Variants in BTBD19 observed in about 807,000 individuals in gnomAD.
BTBD19 encodes the protein BTB domain containing 19, also known as BTB/POZ domain-containing protein 19.
BTBD19 carries 20 observed loss-of-function variants against 36.1 expected under a neutral mutation model. The ratio of observed to expected loss-of-function variants is 0.55; its 90% confidence interval spans 0.39 to 0.80. The LOEUF is 0.80. Ranked by LOEUF, BTBD19 falls within the 30% of genes least tolerant of loss-of-function variation. BTBD19 has a pLI of 0.00. For missense variants in BTBD19, 325 were observed against 389.8 expected, an observed-to-expected ratio of 0.83 and a Z score of 1.40; for synonymous variants, 157 against 174.3, an observed-to-expected ratio of 0.90 and a Z score of 0.78.
At position 44,810,358 on chromosome 1, in the gene BTBD19, C is replaced by T. The variant is rs1369034482; in HGVS notation, c.232C>T (p.Pro78Ser). Residue 78 changes from proline to serine, a missense_variant, in exon 2 of 8, where the codon CCA becomes TCA. Coordinates refer to ENST00000450269, the Ensembl canonical transcript of BTBD19. This position sits in a 1 kb window ranked among gnomAD's most constrained non-coding sequence, Gnocchi z 4.2. ...CAGTCCTGTGGTGCTAAGCACTGTG[C>T]CAACTGAGGCCTTCCTGGCAGTGCT... 1 of 1,551,636 alleles carries T rather than the reference C, an allele frequency of 6.4e-7. No individual in the cohort carries two copies. Among genetic ancestry groups the T allele is most frequent in the Non-Finnish European group, 8.7e-7 (1 of 1,147,020 alleles).
downstream of BTBD19, chr1:44,814,148 C>CTTTT (rs60343664): frequency 1.3e-5 from 2 of 159,168 alleles, no homozygotes; most frequent in East Asian, 2.9e-4. Context: ...CTTTTTCTTT[C>CTTTT]TCTTTCTTTC....
intron 3 of BTBD19, 100 bp from the exon 4 acceptor site, chr1:44,811,939 G>A: frequency 1.0e-6 from 1 of 957,660 alleles, no homozygotes; most frequent in Non-Finnish European, 1.5e-6. Flanking sequence ...GGGGCTGCTG[G>A]GTGACTCACC....
chr1:44,812,001 G>A (rs1652437480), intron 3 of BTBD19, 38 bp from the exon 4 acceptor site: 1 of 1,292,594 alleles, frequency 7.7e-7, no homozygotes, highest in Admixed American at 2.3e-5. Flanking sequence ...TTGGAGCAGG[G>A]ACACCGCCAC....
chr1:44,814,100 ACATATCTATCTGTT>A, exon 8 of BTBD19: 1 of 479,546 alleles, frequency 2.1e-6, no homozygotes, highest in South Asian at 2.6e-5. Flanking sequence ...GATGACTCCC[ACATATCTATCTGTT>A]CAGCTCAGCT....
rs568331873 is a variant in BTBD19 at position 44,813,848 on chromosome 1, C to T, written c.*76C>T. Reference sequence around the variant, plus strand: ...CCCAAACTACAGCTCCCGAAGTGCTCGGCGTTCGGAGCGGGCTTCCGTTCC... The same window carrying T: ...CCCAAACTACAGCTCCCGAAGTGCTTGGCGTTCGGAGCGGGCTTCCGTTCC... On this transcript the variant is annotated 3_prime_UTR_variant, in exon 8 of 8. Transcript: ENST00000450269. This position sits in a 1 kb window ranked among gnomAD's most constrained non-coding sequence, Gnocchi z 7.8. The T allele has an allele frequency of 1.3e-6, 2 of 1,533,510 alleles. No individual in the cohort carries two copies. The highest frequency in any genetic ancestry group is 2.7e-5 in the African/African-American group (2 of 72,744). 95.0% of individuals were successfully genotyped at this position (1,533,510 alleles called of 1,614,324 possible). A position where few individuals can be genotyped will look rare whatever the true frequency, so the allele number is the denominator to read the frequency against.
At chr1:44,814,738 A>C (rs1652637547), downstream of BTBD19, 1 of 151,238 alleles carries the variant, frequency 6.6e-6, no homozygotes, top group African/African-American at 2.4e-5. Flanking sequence ...TTTTTAGTAG[A>C]GACGGGGGTT....
At chr1:44,811,343 G>A (rs1652405035) in intron 3 of BTBD19, among the ~76,000 whole-genome samples, 1 of 152,138 alleles carries the variant, frequency 6.6e-6, no homozygotes, top group African/African-American at 2.4e-5. Context: ...GGAAACATTT[G>A]TGTTCGATCT....
At chr1:44,814,146 T>TTCTC (rs768694186), downstream of BTBD19, 24 of 207,030 alleles carry the variant, frequency 1.2e-4, no homozygotes, top group Middle Eastern at 1.3e-3. Flanking sequence ...TTCTTTTTCT[T>TTCTC]TCTCTTTCTT....
Position 44,814,059 on chromosome 1 carries a change from C to G in BTBD19, c.*287C>G, listed in dbSNP as rs1304602236. On this transcript the variant is annotated 3_prime_UTR_variant, in exon 8 of 8. Transcript: ENST00000450269. Reference sequence around the variant, plus strand: ...TCCACACCCTGACTCTACGCCCTGCCCCTGGGCATTGTCGTCTACTAGTCT... The same window carrying G: ...TCCACACCCTGACTCTACGCCCTGCGCCTGGGCATTGTCGTCTACTAGTCT... 4.6e-5 allele frequency: 26 copies of G among 567,944 alleles called. No homozygotes were observed. The Admixed American group carries it at 7.8e-4, about 17-fold the overall frequency. 35.2% of individuals were successfully genotyped at this position (567,944 alleles called of 1,614,324 possible).
At chr1:44,812,242 A>G in intron 4 of BTBD19, 144 bp downstream of exon 4, 1 of 551,120 alleles carries the variant, frequency 1.8e-6, no homozygotes, top group Non-Finnish European at 3.3e-6. Flanking sequence ...AAGGATGTTT[A>G]TAGGATGAAT....
rs1479000324 is a variant in BTBD19 at position 44,812,991 on chromosome 1, C to A, written c.415-5C>A. 2 of 1,549,338 alleles carry A rather than the reference C, an allele frequency of 1.3e-6. No individual in the cohort carries two copies. The highest frequency in any genetic ancestry group is 2.0e-5 in the Admixed American group (1 of 50,780). On this transcript the variant is annotated splice_region_variant and splice_polypyrimidine_tract_variant and intron_variant, in intron 4 of 7. Transcript: ENST00000450269. ...CCAACCTGATCTCCCTCATTCTGCT[C>A]GCAGGTGGCCGTAACCTTTGGCCTG...
chr1:44,812,181 T>A, intron 4 of BTBD19, 83 bp downstream of exon 4: 2 of 1,061,382 alleles, frequency 1.9e-6, no homozygotes, highest in Non-Finnish European at 2.6e-6. Context: ...CTGGGCCTGC[T>A]GTGTCTGGCC....
Position 44,812,159 on chromosome 1 carries a change from G to C in BTBD19, c.414+61G>C. The C allele has an allele frequency of 2.5e-6, 3 of 1,202,826 alleles. No homozygotes were observed. In the South Asian group the frequency reaches 3.8e-5, roughly 15 times the overall value. The allele number at this position is 1,202,826 out of a possible 1,614,324, so 74.5% of individuals were successfully genotyped here. ...CTCTGTGTGTGGAAATGGGCTCCCA[G>C]CACCTGGGAGCCTGGGCCTGCTGTG... On this transcript the variant is annotated intron_variant, in intron 4 of 7. Coordinates refer to ENST00000450269, the Ensembl canonical transcript of BTBD19.
At position 44,813,035 on chromosome 1, in the gene BTBD19, T is replaced by G. The variant is rs1326362639; in HGVS notation, c.454T>G (p.Cys152Gly). 6.4e-7 allele frequency: 1 copy of G among 1,551,548 alleles called. No individual in the cohort carries two copies. ...TGGCCTGGGGCAGCTGCAGGAGCGC[T>G]GCGTGGCTTTCATAGAGGCCCACAG... The change falls in exon 5 of 8, where the codon TGC becomes GGC. Residue 152 changes from cysteine to glycine, a missense_variant. Physicochemically the swap from Cys to Gly is radical, Grantham distance 159 (BLOSUM62 -3). Transcript: ENST00000450269. The surrounding 1 kb of genome is among the most constrained non-coding windows in gnomAD (Gnocchi z 7.8).
Position 44,810,698 on chromosome 1 carries a change from G to A in BTBD19, c.354+91G>A. Reference sequence around the variant, plus strand: ...CCTCACACACACTCTGGCCTGGAGAGGAACGTGTGCCCACACAGAGAGAAG... The same window carrying A: ...CCTCACACACACTCTGGCCTGGAGAAGAACGTGTGCCCACACAGAGAGAAG... On this transcript the variant is annotated intron_variant, in intron 3 of 7. Coordinates refer to ENST00000450269, the Ensembl canonical transcript of BTBD19. This position sits in a 1 kb window ranked among gnomAD's most constrained non-coding sequence, Gnocchi z 4.2. 7.8e-7 allele frequency: 1 copy of A among 1,276,662 alleles called. No homozygotes were observed. The highest frequency in any genetic ancestry group is 1.5e-5 in the South Asian group (1 of 67,292). 79.1% of individuals were successfully genotyped at this position (1,276,662 alleles called of 1,614,324 possible).
At position 44,812,032 on chromosome 1, in the gene BTBD19, T is replaced by C; in HGVS notation, c.355-7T>C. The C allele has an allele frequency of 6.9e-6, 9 of 1,305,048 alleles. No individual in the cohort carries two copies. The highest frequency in any genetic ancestry group is 9.1e-6 in the Non-Finnish European group (9 of 988,646). The allele number at this position is 1,305,048 out of a possible 1,614,324, so 80.8% of individuals were successfully genotyped here. A position where few individuals can be genotyped will look rare whatever the true frequency, so the allele number is the denominator to read the frequency against. ...GCCACCCAACCCACATTCATTTCTG[T>C]TCCCAGCTGTGCCTGCAGTTTGTGG... On this transcript the variant is annotated splice_polypyrimidine_tract_variant and splice_region_variant and intron_variant, in intron 3 of 7. Transcript: ENST00000450269.
At position 44,813,797 on chromosome 1, in the gene BTBD19, C is replaced by T; in HGVS notation, c.*25C>T. 1 of 1,551,060 alleles carries T rather than the reference C, an allele frequency of 6.4e-7. No individual in the cohort carries two copies. Among genetic ancestry groups the T allele is most frequent in the Non-Finnish European group, 8.7e-7 (1 of 1,146,746 alleles). Reference sequence around the variant, plus strand: ...ATCCAACGCCGGGACTCGCAGGGAGCCCTCGACCCGCCCAGCTGAGCCTGC... The same window carrying T: ...ATCCAACGCCGGGACTCGCAGGGAGTCCTCGACCCGCCCAGCTGAGCCTGC... On this transcript the variant is annotated 3_prime_UTR_variant, in exon 8 of 8. Transcript: ENST00000450269. This position sits in a 1 kb window ranked among gnomAD's most constrained non-coding sequence, Gnocchi z 7.8.
Position 44,813,390 on chromosome 1 carries a change from C to T in BTBD19, c.632C>T (p.Pro211Leu). 1 of 1,538,208 alleles carries T rather than the reference C, an allele frequency of 6.5e-7. No homozygotes were observed. Residue 211 changes from proline to leucine, a missense_variant, in exon 7 of 8, where the codon CCG (proline) becomes CTG (leucine). Physicochemically the swap from Pro to Leu is moderately conservative, Grantham distance 98. Transcript: ENST00000450269. This position sits in a 1 kb window ranked among gnomAD's most constrained non-coding sequence, Gnocchi z 7.8. ...CGTTTGCAGGCGGTGCTGGAGCGGCCGGTGGCTGAGGTGGCGGCCCCGGTG... is the reference window on the plus strand; with the variant it reads ...CGTTTGCAGGCGGTGCTGGAGCGGCTGGTGGCTGAGGTGGCGGCCCCGGTG...
At chr1:44,808,664 G>A in exon 1 of BTBD19, 2 of 517,176 alleles carry the variant, frequency 3.9e-6, no homozygotes, top group Non-Finnish European at 6.9e-6. Context: ...GCCTTCAGGA[G>A]CTTGGGCCTC....
Sources: gnomAD v4.1 joint callset for allele counts (sites outside exome capture counted in the v4.1 genomes callset) on GRCh38, gnomAD v4.1.1 for gene constraint, Gnocchi (gnomAD v3.1) non-coding constraint, MANE v1.5 for transcripts, NCBI Gene and HGNC (gene_info 2026-07-23, HGNC 2026-07-21) for gene names.